Variants in HDAC4 observed in about 807,000 individuals in gnomAD.
The protein encoded by HDAC4 is histone deacetylase A.
Under a neutral mutation model 135.1 loss-of-function variants are expected in HDAC4, and 16 were observed. That is an observed-to-expected ratio of 0.12 (90% CI 0.08 to 0.18). HDAC4 has a LOEUF of 0.18. HDAC4 is among the 10% of genes least tolerant of loss of function. The pLI is 1.00. For missense variants in HDAC4, 1,143 were observed against 1,511.8 expected (o/e 0.76, Z 4.05); for synonymous variants, 685 against 653.4 (o/e 1.05, Z -0.74).
In HDAC4 at chr2:239,114,333, G is replaced by A. The variant is rs2038940615; in HGVS notation, c.1791+720C>T. Among the ~76,000 whole-genome samples, 2 of 152,206 alleles carry A rather than the reference G, an allele frequency of 1.3e-5. 1 individual carries two copies. Among genetic ancestry groups the A allele is most frequent in the East Asian group, 3.9e-4 (2 of 5,184 alleles). On this transcript the variant is annotated intron_variant, in intron 13 of 26. Coordinates refer to ENST00000543185, the MANE Select transcript of HDAC4 (RefSeq NM_001378414.1). Reference sequence around the variant, plus strand: ...GCAGCAGCTCTGCTGCTGGAGGATAGAATCAAATCCTACAGAGCTGTGGTT... The same window carrying A: ...GCAGCAGCTCTGCTGCTGGAGGATAAAATCAAATCCTACAGAGCTGTGGTT...
At chr2:239,247,776 G>C (rs1185452955) in intron 2 of HDAC4, among the ~76,000 whole-genome samples, 1 of 152,218 alleles carries the variant, frequency 6.6e-6, no homozygotes, top group Non-Finnish European at 1.5e-5. Context: ...GGAAAGTCTA[G>C]GCAGGCACAT....
Position 239,115,283 on chromosome 2 carries a change from G to A in HDAC4, c.1561C>T (p.Arg521Trp), listed in dbSNP as rs1167101247. ...TCCTCCGGGTGGCTCTCCGGCTGCC[G>A]GGCTGGCTCGCTTGGCTTGGGGATG... ...KIIPKPSEPARQPESHPEETE... is the reference protein window; with the variant it reads ...KIIPKPSEPAWQPESHPEETE... The change falls in exon 13 of 27, where the codon CGG becomes TGG. Residue 521 changes from arginine (R) to tryptophan (W), a missense_variant. This residue lies in a region of HDAC4 where 196 missense variants were observed against 210.7 expected (regional missense o/e 0.93). Coordinates refer to ENST00000543185, the MANE Select transcript of HDAC4 (RefSeq NM_001378414.1). This position sits in a 1 kb window ranked among gnomAD's most constrained non-coding sequence, Gnocchi z 6.3. The A allele has an allele frequency of 6.8e-6, 11 of 1,613,310 alleles. No homozygotes were observed. Among genetic ancestry groups the A allele is most frequent in the East Asian group, 2.2e-5 (1 of 44,880 alleles).
intron 1 of HDAC4, among the ~76,000 whole-genome samples, chr2:239,364,872 C>A (rs377374382): frequency 6.6e-6 from 1 of 152,202 alleles, no homozygotes; most frequent in Non-Finnish European, 1.5e-5. Flanking sequence ...CACCATACTA[C>A]TCCTCTTAAA....
intron 1 of HDAC4, among the ~76,000 whole-genome samples, chr2:239,358,703 G>A (rs748990239): frequency 6.6e-6 from 1 of 152,194 alleles, no homozygotes; most frequent in Non-Finnish European, 1.5e-5. Context: ...GTGTATTTTA[G>A]TCTTCCTCTT....
rs553029079 is a variant in HDAC4, at chr2:239,379,917, T to G, written c.-220+21061A>C. 2.9e-4 allele frequency among the ~76,000 whole-genome samples: 44 copies of G among 152,270 alleles called. No individual in the cohort carries two copies. The South Asian group carries it at 9.1e-3, about 32-fold the overall frequency. Reference sequence around the variant, plus strand: ...ACAGTGGGATAGGGAGACAGTGGAATGCTCCGGACCTGGCTGCGGGGTGAC... The same window carrying G: ...ACAGTGGGATAGGGAGACAGTGGAAGGCTCCGGACCTGGCTGCGGGGTGAC... On this transcript the variant is annotated intron_variant, in intron 1 of 26. Transcript: ENST00000543185.
intron 11 of HDAC4, among the ~76,000 whole-genome samples, chr2:239,130,827 T>C (rs549396734): frequency 7.9e-5 from 12 of 152,324 alleles, no homozygotes; most frequent in South Asian, 2.1e-4. Flanking sequence ...TGACAGCAGA[T>C]TGCATGGTTC....
In HDAC4 at chr2:239,053,014, C is replaced by T. The variant is rs914770602; in HGVS notation, c.*83G>A. On this transcript the variant is annotated 3_prime_UTR_variant, in exon 27 of 27. Transcript: ENST00000543185. The stretch of plus-strand genomic sequence containing the variant: ...GCTCCAAGAGAGCCCCACGGTGGGA[C>T]GCAGGCGTGACACGGGAAAGTTTCT... 1.0e-5 allele frequency: 16 copies of T among 1,532,022 alleles called. No individual in the cohort carries two copies. Among genetic ancestry groups the T allele is most frequent in the African/African-American group, 8.2e-5 (6 of 73,290 alleles). 94.9% of individuals were successfully genotyped at this position (1,532,022 alleles called of 1,614,324 possible). A position where few individuals can be genotyped will look rare whatever the true frequency, so the allele number is the denominator to read the frequency against.
intron 4 of HDAC4, among the ~76,000 whole-genome samples, chr2:239,180,164 T>G (rs1258621275): frequency 6.6e-6 from 1 of 152,044 alleles, no homozygotes; most frequent in East Asian, 1.9e-4. Flanking sequence ...ACAGCCAGCT[T>G]CCAGGTGGCC....
At chr2:239,157,962 C>T (rs925950252) in intron 6 of HDAC4, among the ~76,000 whole-genome samples, 1 of 152,190 alleles carries the variant, frequency 6.6e-6, no homozygotes, top group African/African-American at 2.4e-5. Flanking sequence ...GGCCACGCCC[C>T]AACCCCGCCC....
At chr2:239,058,450 G>A (rs1365453166) in intron 24 of HDAC4, among the ~76,000 whole-genome samples, 7 of 152,220 alleles carry the variant, frequency 4.6e-5, no homozygotes, top group African/African-American at 1.7e-4. Context: ...AGGATAGGAC[G>A]TGAAAATAAT....
At chr2:239,086,422 C>T (rs1350032013) in intron 19 of HDAC4, among the ~76,000 whole-genome samples, 1 of 149,596 alleles carries the variant, frequency 6.7e-6, no homozygotes, top group Non-Finnish European at 1.5e-5. Context: ...AGTCTCCTCC[C>T]CGTACATGAA....
chr2:239,221,705 C>T (rs940442071), intron 3 of HDAC4, among the ~76,000 whole-genome samples: 3 of 152,094 alleles, frequency 2.0e-5, no homozygotes, highest in Non-Finnish European at 4.4e-5. Context: ...CTTAAGGGTC[C>T]CCTAAATGTA....
At chr2:239,180,350 C>T (rs1362750480) in intron 4 of HDAC4, among the ~76,000 whole-genome samples, 1 of 152,146 alleles carries the variant, frequency 6.6e-6, no homozygotes, top group Non-Finnish European at 1.5e-5. Flanking sequence ...ACCAGGGCAT[C>T]AATCCCGTTC....
chr2:239,231,461 G>GC (rs1181505219), intron 3 of HDAC4, among the ~76,000 whole-genome samples: 1 of 73,880 alleles, frequency 1.4e-5, no homozygotes, highest in Non-Finnish European at 4.0e-5. Context: ...TTCTGTAGGA[G>GC]CAGTGGGGGG....
intron 3 of HDAC4, among the ~76,000 whole-genome samples, chr2:239,195,110 G>A (rs1201965330): frequency 6.6e-6 from 1 of 152,278 alleles, no homozygotes; most frequent in Middle Eastern, 3.4e-3. Flanking sequence ...TGGGGAGTCG[G>A]GCTCACCAAT....
Position 239,053,614 on chromosome 2 carries a change from G to A in HDAC4, c.3089-13C>T. The A allele has an allele frequency of 1.9e-6, 3 of 1,612,702 alleles. No individual in the cohort carries two copies. The highest frequency in any genetic ancestry group is 2.2e-5 in the East Asian group (1 of 44,866). On this transcript the variant is annotated splice_polypyrimidine_tract_variant and intron_variant, in intron 25 of 26. Coordinates refer to ENST00000543185, the MANE Select transcript of HDAC4 (RefSeq NM_001378414.1). Reference sequence around the variant, plus strand: ...CGCCAGTACTTGCCTGGGGTGGTGGGGTGAGGAAAGTCGCTCAGTGACTAC... The same window carrying A: ...CGCCAGTACTTGCCTGGGGTGGTGGAGTGAGGAAAGTCGCTCAGTGACTAC...
rs143280873 is a variant in HDAC4 at position 239,395,587 on chromosome 2, A to T, written c.-220+5391T>A. On this transcript the variant is annotated intron_variant, in intron 1 of 26. Transcript: ENST00000543185. ...CACGCTTACCAAAAGAATCTCTACA[A>T]TACCACCATGTATAAAAGAAAAGTG... Among the ~76,000 whole-genome samples, 980 of 152,328 alleles carry T rather than the reference A, an allele frequency of 6.4e-3. 8 individuals carry two copies. The highest frequency in any genetic ancestry group is 0.022 in the African/African-American group (898 of 41,570).
At chr2:239,196,972 T>TC (rs972772289) in intron 3 of HDAC4, among the ~76,000 whole-genome samples, 2 of 152,094 alleles carry the variant, frequency 1.3e-5, no homozygotes, top group Admixed American at 1.3e-4. Context: ...GGGCAGGCGC[T>TC]CCCTCTGTCT....
intron 8 of HDAC4, chr2:239,140,781 C>T (rs369599687): frequency 3.8e-5 from 12 of 315,318 alleles, no homozygotes; most frequent in African/African-American, 1.3e-4. Flanking sequence ...AGCCCCTCAA[C>T]GGAGCCATCC....
Sources: gnomAD v4.1 joint callset for allele counts (sites outside exome capture counted in the v4.1 genomes callset) on GRCh38, gnomAD v4.1.1 for gene constraint, gnomAD v4.1.1 regional missense constraint, Gnocchi (gnomAD v3.1) non-coding constraint, MANE v1.5 for transcripts, NCBI Gene and HGNC (gene_info 2026-07-23, HGNC 2026-07-21) for gene names.